CADPS: variants seen among roughly 807,000 people sequenced by gnomAD.
CADPS encodes calcium-dependent secretion activator 1.
CADPS carries 57 observed loss-of-function variants against 167.3 expected under a neutral mutation model. The observed-to-expected ratio is 0.34, with a 90% CI of 0.28 to 0.42. CADPS has a LOEUF of 0.42. CADPS is among the 20% of genes least tolerant of loss of function. The pLI, the probability that CADPS is intolerant of heterozygous loss-of-function variation, is 1.00. For missense variants in CADPS, 1,414 were observed against 1,738.1 expected, an observed-to-expected ratio of 0.81 and a Z score of 3.32; for synonymous variants, 676 against 635.3, an observed-to-expected ratio of 1.06 and a Z score of -0.96.
At chr3:62,435,063 A>T (rs927575024) in intron 28 of CADPS, among the ~76,000 whole-genome samples, 5 of 152,208 alleles carry the variant, frequency 3.3e-5, no homozygotes, top group Non-Finnish European at 7.3e-5. Context: ...TTTTTTCTTC[A>T]TTCAAAATGT....
chr3:62,858,201 A>G (rs1449110794), intron 1 of CADPS, among the ~76,000 whole-genome samples: 1 of 152,184 alleles, frequency 6.6e-6, no homozygotes, highest in South Asian at 2.1e-4. Context: ...TTAATGGTGT[A>G]TGTGGCCCAT....
intron 1 of CADPS, among the ~76,000 whole-genome samples, chr3:62,791,972 G>A (rs537892168): frequency 2.6e-4 from 40 of 152,252 alleles, no homozygotes; most frequent in African/African-American, 9.6e-4. Flanking sequence ...TAATGAAGCT[G>A]CAGGAGATTC....
At chr3:62,592,487 C>A (rs529092637) in intron 7 of CADPS, 150 bp downstream of exon 7, 2 of 601,140 alleles carry the variant, frequency 3.3e-6, no homozygotes, top group South Asian at 2.1e-5. Context: ...CTTAAGGTCA[C>A]CCAGCCAATG....
rs55721041 is a variant in CADPS, at chr3:62,629,776, G to GTTTTTGTTTTTGTT, written c.1325+15945_1325+15946insAACAAAAACAAAAA. ...GGTACAGTTTTTTTTTTGTTTGTTT[G>GTTTTTGTTTTTGTT]TTTGTTTTTTTCCTGTCCCTTGAAT... On this transcript the variant is annotated intron_variant, in intron 6 of 29. Coordinates refer to ENST00000383710, the MANE Select transcript of CADPS (RefSeq NM_003716.4). Among the ~76,000 whole-genome samples, 399 of 149,172 alleles carry GTTTTTGTTTTTGTT rather than the reference G, an allele frequency of 2.7e-3. 1 individual carries two copies. The highest frequency in any genetic ancestry group is 7.8e-3 in the African/African-American group (319 of 40,928).
chr3:62,653,818 G>T (rs1017202088), intron 4 of CADPS, among the ~76,000 whole-genome samples: 1 of 152,026 alleles, frequency 6.6e-6, no homozygotes, highest in Admixed American at 6.6e-5. Context: ...AAATATGGGG[G>T]TCTGAAATCC....
At chr3:62,772,653 T>C (rs1015412389) in intron 1 of CADPS, among the ~76,000 whole-genome samples, 2 of 152,226 alleles carry the variant, frequency 1.3e-5, no homozygotes, top group Non-Finnish European at 2.9e-5. Flanking sequence ...AGTCACTGTA[T>C]GTTTTCTCTT....
intron 7 of CADPS, among the ~76,000 whole-genome samples, chr3:62,590,825 T>G (rs566773216): frequency 1.3e-5 from 2 of 152,068 alleles, no homozygotes; most frequent in Non-Finnish European, 2.9e-5. Context: ...TAAACCAGAA[T>G]GAAATAAAAT....
chr3:62,593,323 C>T (rs2086492760), intron 6 of CADPS, among the ~76,000 whole-genome samples: 1 of 152,174 alleles, frequency 6.6e-6, no homozygotes. Context: ...AATGCCATTC[C>T]CTGCTCATAG....
intron 13 of CADPS, among the ~76,000 whole-genome samples, chr3:62,527,435 T>A (rs556013845): frequency 6.7e-6 from 1 of 148,502 alleles, no homozygotes; most frequent in Non-Finnish European, 1.5e-5. Flanking sequence ...TATTACCAAA[T>A]GTTCTGTGTG....
intron 3 of CADPS, among the ~76,000 whole-genome samples, chr3:62,683,604 C>T (rs2077493777): frequency 6.6e-6 from 1 of 152,048 alleles, no homozygotes. Flanking sequence ...AACATTGATA[C>T]TTCATTATTA....
intron 3 of CADPS, among the ~76,000 whole-genome samples, chr3:62,684,844 C>T (rs1249239990): frequency 2.0e-5 from 3 of 151,892 alleles, no homozygotes; most frequent in African/African-American, 7.2e-5. Context: ...AGATGCAAGA[C>T]GACATTTACT....
At chr3:62,857,068 T>A (rs987810103) in intron 1 of CADPS, among the ~76,000 whole-genome samples, 1 of 151,886 alleles carries the variant, frequency 6.6e-6, no homozygotes, top group African/African-American at 2.4e-5. Context: ...CCATCACAAA[T>A]GACAAAACTT....
At position 62,645,817 on chromosome 3, in the gene CADPS, G is replaced by A; in HGVS notation, c.1230C>T (p.Leu410=). 2 of 1,614,062 alleles carry A rather than the reference G, an allele frequency of 1.2e-6. No homozygotes were observed. The highest frequency in any genetic ancestry group is 2.2e-5 in the South Asian group (2 of 91,070). Residue 410 remains leucine (L), a synonymous_variant, in exon 6 of 30, where the codon CTC becomes CTT. Transcript: ENST00000383710. ...CGATGCGATTTGGAGCCAAAGATTT[G>A]AGGCCTTGGACTTCCATAATTACCA... ...LEVVIMEVQG[L]KSLAPNRIVY...
At chr3:62,484,576 T>C (rs1192860001) in intron 21 of CADPS, among the ~76,000 whole-genome samples, 4 of 152,180 alleles carry the variant, frequency 2.6e-5, no homozygotes, top group Non-Finnish European at 4.4e-5. Flanking sequence ...TTTTGGGGAC[T>C]CTTGAAAAAG....
intron 16 of CADPS, chr3:62,513,634 T>A: frequency 6.4e-7 from 1 of 1,562,282 alleles, no homozygotes; most frequent in Non-Finnish European, 8.8e-7. Context: ...TGGTAGGTAC[T>A]CACGAATGGT....
chr3:62,756,258 G>T (rs1382951625), intron 2 of CADPS, among the ~76,000 whole-genome samples: 1 of 151,948 alleles, frequency 6.6e-6, no homozygotes, highest in East Asian at 1.9e-4. Flanking sequence ...GTAGTGACGG[G>T]GTTTCTCCAT....
intron 26 of CADPS, among the ~76,000 whole-genome samples, chr3:62,456,637 T>A: frequency 6.6e-6 from 1 of 152,074 alleles, no homozygotes; most frequent in Non-Finnish European, 1.5e-5. Context: ...TTTTGGAGCA[T>A]CTAACACCAG....
chr3:62,535,473 A>C (rs1319514331), intron 12 of CADPS, among the ~76,000 whole-genome samples: 1 of 151,796 alleles, frequency 6.6e-6, no homozygotes, highest in Non-Finnish European at 1.5e-5. Context: ...AAAAAGAAAG[A>C]TTGTCATTAT....
chr3:62,429,827 C>T lies in CADPS; in HGVS notation c.3777+8277G>A, dbSNP rs531470601. 1.4e-4 allele frequency among the ~76,000 whole-genome samples: 22 copies of T among 152,238 alleles called. No homozygotes were observed. In the South Asian group the frequency reaches 4.4e-3, roughly 30 times the overall value. On this transcript the variant is annotated intron_variant, in intron 28 of 29. Coordinates refer to ENST00000383710, the MANE Select transcript of CADPS (RefSeq NM_003716.4). ...TGGCTTCTTAGAATGATTAATGGAACATTCTCCTCTGGAAAGGAAAACAAA... is the reference window on the plus strand; with the variant it reads ...TGGCTTCTTAGAATGATTAATGGAATATTCTCCTCTGGAAAGGAAAACAAA...
Sources: allele counts gnomAD v4.1 joint callset (sites outside exome capture counted in the v4.1 genomes callset), GRCh38; gene constraint gnomAD v4.1.1; transcripts MANE v1.5; gene names NCBI Gene and HGNC (gene_info 2026-07-23, HGNC 2026-07-21).